The following GABRB2 variants were observed in gnomAD, a reference collection of about 807,000 sequenced individuals.
The protein encoded by GABRB2 is gamma-aminobutyric acid type A receptor subunit beta2.
Under a neutral mutation model 54.7 loss-of-function variants are expected in GABRB2, and 16 were observed. The observed-to-expected ratio is 0.29, with a 90% CI of 0.20 to 0.44. The LOEUF is 0.44. GABRB2 is among the 20% of genes least tolerant of loss of function. GABRB2 has a pLI of 1.00. For synonymous variants in GABRB2, 244 were observed against 233.8 expected (o/e 1.04, Z -0.40); for missense variants, 355 against 644.0 (o/e 0.55, Z 4.86).
At chr5:161,415,154 C>T (rs1441534193) in intron 4 of GABRB2, among the ~76,000 whole-genome samples, 1 of 152,148 alleles carries the variant, frequency 6.6e-6, no homozygotes, top group South Asian at 2.1e-4. Flanking sequence ...TGCAGGTATC[C>T]TGATTAATTT....
chr5:161,296,212 AAACCTG>A (rs1278467079), intron 9 of GABRB2, among the ~76,000 whole-genome samples: 4 of 152,224 alleles, frequency 2.6e-5, no homozygotes, highest in African/African-American at 9.6e-5. Flanking sequence ...TAAGGAAAGT[AAACCTG>A]ATGGAAATGG....
chr5:161,296,874 T>A (rs918536395), intron 9 of GABRB2, among the ~76,000 whole-genome samples: 5 of 152,198 alleles, frequency 3.3e-5, no homozygotes, highest in Non-Finnish European at 7.3e-5. Flanking sequence ...ATCCTTTCAA[T>A]CTAGTTTCTT....
chr5:161,444,122 C>A (rs991674733), intron 4 of GABRB2, among the ~76,000 whole-genome samples: 1 of 152,058 alleles, frequency 6.6e-6, no homozygotes, highest in Admixed American at 6.6e-5. Context: ...AATGCATTTT[C>A]TTTTTCCCCA....
chr5:161,328,930 T>A (rs1447114466), intron 8 of GABRB2, among the ~76,000 whole-genome samples: 1 of 152,184 alleles, frequency 6.6e-6, no homozygotes, highest in Non-Finnish European at 1.5e-5. Flanking sequence ...TGGTATCTTT[T>A]TTGTTCTCTC....
At chr5:161,488,022 A>G (rs1758980184) in intron 3 of GABRB2, among the ~76,000 whole-genome samples, 1 of 151,876 alleles carries the variant, frequency 6.6e-6, no homozygotes. Context: ...ACAGATGAAC[A>G]CTTTTTTATA....
intron 3 of GABRB2, among the ~76,000 whole-genome samples, chr5:161,505,109 CTTT>C (rs34388314): frequency 1.5e-5 from 2 of 135,550 alleles, no homozygotes; most frequent in African/African-American, 2.7e-5. Flanking sequence ...TTTTCCTTTT[CTTT>C]TTTTTTTTTT....
chr5:161,347,782 T>G (rs1198654724), intron 5 of GABRB2, among the ~76,000 whole-genome samples: 3 of 152,084 alleles, frequency 2.0e-5, no homozygotes, highest in African/African-American at 7.2e-5. Flanking sequence ...TCTACTAGGT[T>G]TTGGGTTAGA....
chr5:161,446,039 C>G (rs1757605476), intron 4 of GABRB2, among the ~76,000 whole-genome samples: 1 of 152,162 alleles, frequency 6.6e-6, no homozygotes, highest in Admixed American at 6.5e-5. Flanking sequence ...TAGGATTACA[C>G]TTTCTCCTCC....
chr5:161,348,453 T>C (rs1349983134), intron 5 of GABRB2, among the ~76,000 whole-genome samples: 1 of 152,082 alleles, frequency 6.6e-6, no homozygotes, highest in African/African-American at 2.4e-5. Context: ...CGAAATACCT[T>C]ATTTCATTTA....
At chr5:161,416,509 T>A (rs560360580) in intron 4 of GABRB2, among the ~76,000 whole-genome samples, 1 of 151,652 alleles carries the variant, frequency 6.6e-6, no homozygotes, top group East Asian at 1.9e-4. Context: ...CTTGTTTGAT[T>A]TCTTTATATA....
chr5:161,533,044 G>A (rs1231127554), intron 3 of GABRB2, among the ~76,000 whole-genome samples: 1 of 152,112 alleles, frequency 6.6e-6, no homozygotes, highest in Non-Finnish European at 1.5e-5. Flanking sequence ...TAGGAGAGAA[G>A]TCATTTCATC....
chr5:161,383,344 T>C (rs1755524800), intron 5 of GABRB2, among the ~76,000 whole-genome samples: 1 of 152,200 alleles, frequency 6.6e-6, no homozygotes, highest in Non-Finnish European at 1.5e-5. Flanking sequence ...TACATATTAA[T>C]GCAATCATGT....
At chr5:161,308,330 G>T (rs1487825660) in intron 9 of GABRB2, among the ~76,000 whole-genome samples, 1 of 152,118 alleles carries the variant, frequency 6.6e-6, no homozygotes, top group Non-Finnish European at 1.5e-5. Flanking sequence ...GTTCAGGAAT[G>T]GGAAGGACTA....
chr5:161,394,182 A>T (rs1187565565), intron 5 of GABRB2, among the ~76,000 whole-genome samples: 1 of 152,084 alleles, frequency 6.6e-6, no homozygotes, highest in Non-Finnish European at 1.5e-5. Context: ...ATGAAAATAC[A>T]TTAAGATTTT....
chr5:161,422,749 C>T (rs1427438812), intron 4 of GABRB2, among the ~76,000 whole-genome samples: 1 of 152,100 alleles, frequency 6.6e-6, no homozygotes, highest in Non-Finnish European at 1.5e-5. Flanking sequence ...ATGTTCTCTA[C>T]ATGAGATATG....
chr5:161,543,097 C>T (rs1200941417), intron 3 of GABRB2, among the ~76,000 whole-genome samples: 1 of 152,206 alleles, frequency 6.6e-6, no homozygotes, highest in Non-Finnish European at 1.5e-5. Flanking sequence ...AGGAATCTGG[C>T]TTGGAATTTT....
intron 5 of GABRB2, among the ~76,000 whole-genome samples, chr5:161,352,057 T>C (rs1236016217): frequency 6.6e-6 from 1 of 151,960 alleles, no homozygotes; most frequent in Non-Finnish European, 1.5e-5. Context: ...AGATATGTAT[T>C]GGTGAGGATG....
chr5:161,500,831 T>G (rs1759411341), intron 3 of GABRB2, among the ~76,000 whole-genome samples: 1 of 152,074 alleles, frequency 6.6e-6, no homozygotes, highest in Non-Finnish European at 1.5e-5. Context: ...GTTTCTTGAT[T>G]TTTTTTTCTT....
At position 161,453,166 on chromosome 5, in the gene GABRB2, T is replaced by A. The variant is rs1757842833; in HGVS notation, c.458+6458A>T. On this transcript the variant is annotated intron_variant, in intron 4 of 9. Coordinates refer to ENST00000393959, the MANE Select transcript of GABRB2 (RefSeq NM_001371727.1). ...GCCTAGTCAACTGGAATGTCTTTTG[T>A]TGCCACATCTACAGCTAAGCTACTC... Among the ~76,000 whole-genome samples, 3 of 152,234 alleles carry A rather than the reference T, an allele frequency of 2.0e-5. No homozygotes were observed. The South Asian group carries it at 6.2e-4, about 31-fold the overall frequency.
Sources: gnomAD v4.1 joint callset for allele counts (sites outside exome capture counted in the v4.1 genomes callset) on GRCh38, gnomAD v4.1.1 for gene constraint, MANE v1.5 for transcripts, NCBI Gene and HGNC (gene_info 2026-07-23, HGNC 2026-07-21) for gene names.